The following RRP15 variants were observed in gnomAD, a reference collection of about 807,000 sequenced individuals.
RRP15 encodes the protein ribosomal RNA processing 15 homolog, also known as RRP15-like protein.
In RRP15, 18 loss-of-function variants were observed where a neutral mutation model predicts 27.1. That is an observed-to-expected ratio of 0.66 (90% CI 0.46 to 0.98). The LOEUF (loss-of-function observed/expected upper bound fraction) is 0.98, where lower values mean the gene tolerates loss of function less well. RRP15 is among the 50% of genes least tolerant of loss of function. The probability of loss-of-function intolerance (pLI) is 0.00; values close to 1 mark genes in which losing one functional copy is unlikely to be tolerated. For missense variants in RRP15, 359 were observed against 337.8 expected, an observed-to-expected ratio of 1.06 and a Z score of -0.49; for synonymous variants, 107 against 109.4, an observed-to-expected ratio of 0.98 and a Z score of 0.14.
At chr1:218,296,740 G>C (rs1655724147) in intron 1 of RRP15, among the ~76,000 whole-genome samples, 1 of 151,976 alleles carries the variant, frequency 6.6e-6, no homozygotes, top group Non-Finnish European at 1.5e-5. Flanking sequence ...ATGTTAGCTA[G>C]TTAGTATTAT....
chr1:218,300,724 A>G (rs1655798519), intron 1 of RRP15, among the ~76,000 whole-genome samples: 2 of 152,252 alleles, frequency 1.3e-5, no homozygotes, highest in African/African-American at 4.8e-5. Flanking sequence ...AGAATAGATA[A>G]TTTTGAAGCA....
intron 1 of RRP15, among the ~76,000 whole-genome samples, chr1:218,294,442 C>T (rs190739833): frequency 6.6e-6 from 1 of 151,854 alleles, no homozygotes; most frequent in African/African-American, 2.4e-5. Flanking sequence ...CCTTTGGGTT[C>T]GATTAATTTT....
At chr1:218,324,303 G>C (rs1314997913) in intron 4 of RRP15, among the ~76,000 whole-genome samples, 1 of 152,220 alleles carries the variant, frequency 6.6e-6, no homozygotes, top group East Asian at 1.9e-4. Flanking sequence ...CGCTCTGGGG[G>C]CTGGCCCCTT....
At chr1:218,293,163 C>T (rs1183741513) in intron 1 of RRP15, among the ~76,000 whole-genome samples, 3 of 151,800 alleles carry the variant, frequency 2.0e-5, no homozygotes, top group Non-Finnish European at 2.9e-5. Flanking sequence ...TAATTGGGAC[C>T]ATAGGTGCAC....
At chr1:218,298,346 A>G (rs1041393312) in intron 1 of RRP15, among the ~76,000 whole-genome samples, 15 of 152,204 alleles carry the variant, frequency 9.9e-5, no homozygotes, top group Non-Finnish European at 1.9e-4. Flanking sequence ...CTTTAAGAAC[A>G]CCTACAAATT....
chr1:218,318,766 C>T (rs1656130162), intron 4 of RRP15, among the ~76,000 whole-genome samples: 1 of 150,550 alleles, frequency 6.6e-6, no homozygotes, highest in Non-Finnish European at 1.5e-5. Context: ...ATTAAAGGTG[C>T]ACCCTCCCCA....
intron 4 of RRP15, among the ~76,000 whole-genome samples, chr1:218,329,296 T>C (rs1656328537): frequency 6.9e-6 from 1 of 144,834 alleles, no homozygotes; most frequent in African/African-American, 2.5e-5. Context: ...GGTGTGCACC[T>C]GTAGTCCCAG....
At chr1:218,328,470 G>A (rs1290387953) in intron 4 of RRP15, among the ~76,000 whole-genome samples, 1 of 152,070 alleles carries the variant, frequency 6.6e-6, no homozygotes, top group Non-Finnish European at 1.5e-5. Flanking sequence ...AGACCATCCT[G>A]GCTAACATGG....
intron 4 of RRP15, among the ~76,000 whole-genome samples, chr1:218,329,703 A>C (rs1656336100): frequency 6.6e-6 from 1 of 152,154 alleles, no homozygotes; most frequent in Non-Finnish European, 1.5e-5. Flanking sequence ...CTTTGCTTAC[A>C]TTTATATCCC....
In RRP15 at chr1:218,335,248, T is replaced by C. The variant is rs1446875205; in HGVS notation, c.*4157T>C. ...TAGGACTTTTTACCTAGAGATGCGGTAAACCTTTTAAATTTAAATTTGCTT... is the reference window on the plus strand; with the variant it reads ...TAGGACTTTTTACCTAGAGATGCGGCAAACCTTTTAAATTTAAATTTGCTT... On this transcript the variant is annotated 3_prime_UTR_variant, in exon 5 of 5. Transcript: ENST00000366932. The C allele has an allele frequency of 6.6e-6, 1 of 152,174 alleles. No individual in the cohort carries two copies. Among genetic ancestry groups the C allele is most frequent in the African/African-American group, 2.4e-5 (1 of 41,452 alleles). 9.4% of individuals were successfully genotyped at this position (152,174 alleles called of 1,614,324 possible).
chr1:218,324,539 A>G (rs1451693034), intron 4 of RRP15, among the ~76,000 whole-genome samples: 2 of 152,236 alleles, frequency 1.3e-5, no homozygotes, highest in Non-Finnish European at 2.9e-5. Context: ...CCCTGCTGCA[A>G]CTGGTGTGAT....
chr1:218,286,145 C>T (rs944494507), intron 1 of RRP15, among the ~76,000 whole-genome samples: 2 of 152,106 alleles, frequency 1.3e-5, no homozygotes, highest in African/African-American at 4.8e-5. Flanking sequence ...CCAGCTGATA[C>T]CCAAAAAACA....
intron 1 of RRP15, among the ~76,000 whole-genome samples, chr1:218,291,779 C>A (rs761692122): frequency 3.3e-5 from 5 of 152,046 alleles, no homozygotes; most frequent in Non-Finnish European, 7.4e-5. Context: ...ATACACCCAC[C>A]TTGGTCTCCC....
intron 1 of RRP15, among the ~76,000 whole-genome samples, chr1:218,286,093 GTAATCCC>G (rs1655541228): frequency 6.6e-6 from 1 of 152,144 alleles, no homozygotes; most frequent in Non-Finnish European, 1.5e-5. Context: ...GGAATTGCAG[GTAATCCC>G]TGACTTCCTA....
At chr1:218,324,489 G>T (rs978197177) in intron 4 of RRP15, among the ~76,000 whole-genome samples, 1 of 152,176 alleles carries the variant, frequency 6.6e-6, no homozygotes, top group African/African-American at 2.4e-5. Flanking sequence ...TTCCAGCGCC[G>T]CCACTGCTGC....
rs748211689 is a variant in RRP15, at chr1:218,305,073, G to C, written c.451G>C (p.Asp151His). 6.2e-7 allele frequency: 1 copy of C among 1,613,952 alleles called. No individual in the cohort carries two copies. Among genetic ancestry groups the C allele is most frequent in the East Asian group, 2.2e-5 (1 of 44,858 alleles). Residue 151 changes from aspartate (D) to histidine (H), a missense_variant, in exon 3 of 5, where the codon GAT becomes CAT. Transcript: ENST00000366932. ...EWEMMCRVKP[D>H]VVQDKETERN... The stretch of plus-strand genomic sequence containing the variant: ...GGAAATGATGTGCAGAGTAAAGCCA[G>C]ATGTTGTCCAAGACAAAGAGACAGA...
chr1:218,285,675 T>C (rs547678082), intron 1 of RRP15, among the ~76,000 whole-genome samples: 4 of 152,116 alleles, frequency 2.6e-5, no homozygotes, highest in African/African-American at 9.6e-5. Context: ...TTTTACTAGG[T>C]ATTTTCAGGG....
rs369363713 is a variant in RRP15 at position 218,307,583 on chromosome 1, G to A, written c.656G>A (p.Gly219Glu). The change falls in exon 4 of 5, where the codon GGA (glycine) becomes GAA (glutamate). Residue 219 changes from glycine to glutamate, a missense_variant. Coordinates refer to ENST00000366932, the MANE Select transcript of RRP15 (RefSeq NM_016052.4). Reference sequence around the variant, plus strand: ...ATCAGTGTTTTGAGAGGGATGGATGGAAGTACAAATGAGACTGCTTCAAGC... The same window carrying A: ...ATCAGTGTTTTGAGAGGGATGGATGAAAGTACAAATGAGACTGCTTCAAGC... ...DFISVLRGMD[G>E]STNETASSRK... is the part of the protein sequence containing the mutation. The A allele has an allele frequency of 4.3e-6, 7 of 1,613,884 alleles. No individual in the cohort carries two copies. The African/African-American group carries it at 9.3e-5, about 22-fold the overall frequency.
At chr1:218,302,013 C>T (rs2102497817) in intron 1 of RRP15, 2 of 350,686 alleles carry the variant, frequency 5.7e-6, no homozygotes, top group Non-Finnish European at 1.0e-5. Flanking sequence ...ACAATAAGGA[C>T]GTGGCAGAGG....
Sources: allele counts gnomAD v4.1 joint callset (sites outside exome capture counted in the v4.1 genomes callset), GRCh38; gene constraint gnomAD v4.1.1; transcripts MANE v1.5; gene names NCBI Gene and HGNC (gene_info 2026-07-23, HGNC 2026-07-21).